Variants in HERPUD2 observed in about 807,000 individuals in gnomAD.
The protein encoded by HERPUD2 is HERPUD family member 2.
In HERPUD2, 13 loss-of-function variants were observed where a neutral mutation model predicts 49.9. The observed-to-expected ratio is 0.26, with a 90% CI of 0.17 to 0.41. HERPUD2 has a LOEUF of 0.41. HERPUD2 is among the 10% of genes least tolerant of loss of function. The probability of loss-of-function intolerance (pLI) is 1.00; values close to 1 mark genes in which losing one functional copy is unlikely to be tolerated. For synonymous variants in HERPUD2, 172 were observed against 171.4 expected (o/e 1.00, Z -0.03); for missense variants, 449 against 492.2 (o/e 0.91, Z 0.83).
At chr7:35,682,358 TATATA>T (rs1785931047) in intron 2 of HERPUD2, among the ~76,000 whole-genome samples, 2 of 5,270 alleles carry the variant, frequency 3.8e-4, no homozygotes, top group Admixed American at 1.3e-3. Context: ...TGTGTGTGTG[TATATA>T]TATATATATA....
chr7:35,657,926 A>C (rs1785317449), intron 5 of HERPUD2, among the ~76,000 whole-genome samples: 1 of 151,884 alleles, frequency 6.6e-6, no homozygotes, highest in Non-Finnish European at 1.5e-5. Flanking sequence ...TGTCTCAAAA[A>C]AAAAAAAGAA....
intron 2 of HERPUD2, among the ~76,000 whole-genome samples, chr7:35,692,219 G>C (rs565786589): frequency 1.3e-5 from 2 of 152,298 alleles, no homozygotes; most frequent in South Asian, 4.1e-4. Context: ...CTCCACTAGT[G>C]ATCAGTGCTG....
intron 2 of HERPUD2, among the ~76,000 whole-genome samples, chr7:35,684,171 G>A (rs1170914079): frequency 1.3e-5 from 2 of 151,418 alleles, no homozygotes; most frequent in South Asian, 2.1e-4. Flanking sequence ...TGGATCATGA[G>A]GTCAGGAGAT....
At chr7:35,669,804 T>G (rs1307358659) in intron 4 of HERPUD2, among the ~76,000 whole-genome samples, 5 of 152,138 alleles carry the variant, frequency 3.3e-5, no homozygotes, top group Non-Finnish European at 5.9e-5. Context: ...TCAAGAAGAT[T>G]TAGGGTACTT....
intron 6 of HERPUD2, among the ~76,000 whole-genome samples, chr7:35,637,160 A>AAGAAAGAAAGATAGATAGAT (rs1554311472): frequency 1.3e-4 from 19 of 144,184 alleles, no homozygotes; most frequent in South Asian, 2.3e-4. Context: ...GAAAGAAAGA[A>AAGAAAGAAAGATAGATAGAT]AGATAGATAG....
chr7:35,692,031 A>T (rs1404602180), intron 2 of HERPUD2, among the ~76,000 whole-genome samples: 1 of 152,240 alleles, frequency 6.6e-6, no homozygotes, highest in African/African-American at 2.4e-5. Context: ...CACTTAAAGA[A>T]AACTTGTCAA....
intron 5 of HERPUD2, among the ~76,000 whole-genome samples, chr7:35,640,088 A>G (rs1434710406): frequency 6.6e-6 from 1 of 152,158 alleles, no homozygotes; most frequent in Non-Finnish European, 1.5e-5. Flanking sequence ...TTAGTGAGCA[A>G]CTCTGGAGAG....
intron 5 of HERPUD2, among the ~76,000 whole-genome samples, chr7:35,663,904 A>T (rs542625013): frequency 1.5e-3 from 234 of 152,238 alleles, no homozygotes; most frequent in Non-Finnish European, 2.5e-3. Context: ...TTTAAGGTTA[A>T]TATTATTATG....
At chr7:35,686,048 G>A (rs1014697786) in intron 2 of HERPUD2, among the ~76,000 whole-genome samples, 2 of 151,952 alleles carry the variant, frequency 1.3e-5, no homozygotes, top group Non-Finnish European at 2.9e-5. Context: ...ATAATCAACT[G>A]AATTTTCAAC....
chr7:35,687,068 A>G (rs950236533), intron 2 of HERPUD2, among the ~76,000 whole-genome samples: 3 of 152,146 alleles, frequency 2.0e-5, no homozygotes, highest in Non-Finnish European at 2.9e-5. Flanking sequence ...TCAAAAAAGC[A>G]AACCAAAACA....
intron 2 of HERPUD2, among the ~76,000 whole-genome samples, chr7:35,682,643 T>C (rs1310440724): frequency 6.6e-6 from 1 of 151,804 alleles, no homozygotes; most frequent in Non-Finnish European, 1.5e-5. Context: ...TTGACAATTA[T>C]ATGATCGTTT....
At chr7:35,661,271 G>T (rs1358952427) in intron 5 of HERPUD2, among the ~76,000 whole-genome samples, 2 of 152,152 alleles carry the variant, frequency 1.3e-5, no homozygotes, top group African/African-American at 4.8e-5. Context: ...ATGCTGTTTT[G>T]GTTACTGTAG....
At chr7:35,681,855 G>T (rs1384052778) in intron 2 of HERPUD2, among the ~76,000 whole-genome samples, 7 of 152,138 alleles carry the variant, frequency 4.6e-5, no homozygotes, top group Non-Finnish European at 2.9e-5. Flanking sequence ...AGAATGGGGA[G>T]TGACTGCCAA....
chr7:35,639,178 G>A (rs769761002), intron 5 of HERPUD2, among the ~76,000 whole-genome samples: 27 of 151,848 alleles, frequency 1.8e-4, no homozygotes, highest in Non-Finnish European at 2.2e-4. Context: ...ACAGGCACGC[G>A]CCACCACACC....
At chr7:35,645,819 A>T (rs1785044896) in intron 5 of HERPUD2, among the ~76,000 whole-genome samples, 1 of 152,200 alleles carries the variant, frequency 6.6e-6, no homozygotes, top group African/African-American at 2.4e-5. Context: ...AGCACATTTT[A>T]TCTCTAGAAT....
chr7:35,646,335 T>C (rs893078713), intron 5 of HERPUD2, among the ~76,000 whole-genome samples: 1 of 151,946 alleles, frequency 6.6e-6, no homozygotes, highest in Non-Finnish European at 1.5e-5. Flanking sequence ...GCTGAGATGG[T>C]AGGACTGCTT....
chr7:35,658,201 T>C (rs1472766712), intron 5 of HERPUD2, among the ~76,000 whole-genome samples: 2 of 152,132 alleles, frequency 1.3e-5, no homozygotes, highest in Non-Finnish European at 2.9e-5. Context: ...CTGGAGGTCA[T>C]TATGTTATGT....
At chr7:35,653,104 T>C (rs1785201080) in intron 5 of HERPUD2, among the ~76,000 whole-genome samples, 1 of 152,106 alleles carries the variant, frequency 6.6e-6, no homozygotes. Context: ...TGAATACAAA[T>C]GAATTAAACT....
intron 5 of HERPUD2, among the ~76,000 whole-genome samples, chr7:35,665,773 C>T (rs1399456995): frequency 6.6e-6 from 1 of 152,142 alleles, no homozygotes; most frequent in South Asian, 2.1e-4. Context: ...TAATATACTT[C>T]GAAGAGCTGA....
Sources: gnomAD v4.1 joint callset for allele counts (sites outside exome capture counted in the v4.1 genomes callset) on GRCh38, gnomAD v4.1.1 for gene constraint, MANE v1.5 for transcripts, NCBI Gene and HGNC (gene_info 2026-07-23, HGNC 2026-07-21) for gene names.